The following EDDM3A variants were observed in gnomAD, a reference collection of about 807,000 sequenced individuals.
EDDM3A encodes epididymal protein 3A.
For missense variants in EDDM3A, 199 were observed against 177.4 expected (o/e 1.12, Z -0.69); for synonymous variants, 75 against 60.4 (o/e 1.24, Z -1.12).
the EDDM3A span, among the ~76,000 whole-genome samples, chr14:20,740,354 A>G: frequency 6.6e-6 from 1 of 152,328 alleles, no homozygotes; most frequent in East Asian, 1.9e-4. Context: ...AGATTCACCA[A>G]AGTATCTGGA....
At chr14:20,743,288 G>A (rs374939562), upstream of EDDM3A, among the ~76,000 whole-genome samples, 50 of 152,306 alleles carry the variant, frequency 3.3e-4, no homozygotes, top group South Asian at 0.01. Context: ...GGTGGCTCAC[G>A]CTTTTAATCC....
At position 20,747,577 on chromosome 14, in the gene EDDM3A, T is replaced by A. The variant is rs1241565273; in HGVS notation, c.-4T>A. On this transcript the variant is annotated 5_prime_UTR_variant, in exon 2 of 2. Coordinates refer to ENST00000326842, the MANE Select transcript of EDDM3A (RefSeq NM_006683.5). ...TAGACACGCAGGTGGACGTGGTGAC[T>A]GAGATGACATCCTCTCTAAAGATTT... 1 of 1,592,650 alleles carries A rather than the reference T, an allele frequency of 6.3e-7. No homozygotes were observed. Among genetic ancestry groups the A allele is most frequent in the Admixed American group, 1.8e-5 (1 of 56,986 alleles).
chr14:20,745,076 A>G (rs1278516707), upstream of EDDM3A, among the ~76,000 whole-genome samples: 2 of 152,116 alleles, frequency 1.3e-5, no homozygotes, highest in African/African-American at 4.8e-5. Flanking sequence ...AATACAAAAA[A>G]CTAGCCAGGC....
At chr14:20,740,246 A>C in the EDDM3A span, among the ~76,000 whole-genome samples, 57 of 152,296 alleles carry the variant, frequency 3.7e-4, no homozygotes, top group East Asian at 0.01. Flanking sequence ...AAGGCAAGGA[A>C]TCTATTATGG....
chr14:20,738,502 T>TAAAC, the EDDM3A span, among the ~76,000 whole-genome samples: 6 of 145,140 alleles, frequency 4.1e-5, no homozygotes, highest in Admixed American at 4.1e-4. Context: ...AATAAATAAA[T>TAAAC]AAATAAACAG....
chr14:20,741,218 G>A (rs1168568476), upstream of EDDM3A, among the ~76,000 whole-genome samples: 1 of 152,176 alleles, frequency 6.6e-6, no homozygotes, highest in Non-Finnish European at 1.5e-5. Flanking sequence ...AGCCCTTCAA[G>A]TTTTCTGGAC....
At chr14:20,746,555 AT>A (rs1434572015) in intron 1 of EDDM3A, among the ~76,000 whole-genome samples, 2 of 152,182 alleles carry the variant, frequency 1.3e-5, no homozygotes, top group Non-Finnish European at 2.9e-5. Flanking sequence ...TGCCTGATTG[AT>A]TACAGCAACA....
chr14:20,741,961 C>A (rs1026047938), upstream of EDDM3A, among the ~76,000 whole-genome samples: 2 of 152,212 alleles, frequency 1.3e-5, no homozygotes, highest in Non-Finnish European at 2.9e-5. Context: ...CCTGCAACCC[C>A]TAGATTTCCA....
chr14:20,747,172 C>T (rs538025284), intron 1 of EDDM3A, among the ~76,000 whole-genome samples: 31 of 138,334 alleles, frequency 2.2e-4, no homozygotes, highest in Admixed American at 1.2e-3. Context: ...GGTGTGATGT[C>T]GGCTCACCGC....
rs765841294 is a variant in EDDM3A, at chr14:20,747,947, A to G, written c.367A>G (p.Ile123Val). Residue 123 changes from isoleucine to valine, a missense_variant, in exon 2 of 2, where the codon ATT (isoleucine) becomes GTT (valine). By Grantham distance (29) the Ile-to-Val change is conservative. Coordinates refer to ENST00000326842, the MANE Select transcript of EDDM3A (RefSeq NM_006683.5). ...RYTESRSFSYIEFHCGVDGYV... is the reference protein window; with the variant it reads ...RYTESRSFSYVEFHCGVDGYV... Reference sequence around the variant, plus strand: ...CACAGAGAGCAGAAGCTTCAGCTACATTGAATTCCATTGTGGCGTAGATGG... The same window carrying G: ...CACAGAGAGCAGAAGCTTCAGCTACGTTGAATTCCATTGTGGCGTAGATGG... The G allele has an allele frequency of 1.2e-6, 2 of 1,614,168 alleles. No homozygotes were observed. The highest frequency in any genetic ancestry group is 2.2e-5 in the South Asian group (2 of 91,068).
At chr14:20,747,228 C>T (rs977848351) in intron 1 of EDDM3A, among the ~76,000 whole-genome samples, 1 of 151,414 alleles carries the variant, frequency 6.6e-6, no homozygotes, top group Non-Finnish European at 1.5e-5. Context: ...CTCAGCCTCT[C>T]GAGTAGCTGG....
At chr14:20,742,493 A>G (rs1877463809), upstream of EDDM3A, among the ~76,000 whole-genome samples, 1 of 152,254 alleles carries the variant, frequency 6.6e-6, no homozygotes, top group Non-Finnish European at 1.5e-5. Context: ...TCCTCGTGTA[A>G]CCACGATAGG....
upstream of EDDM3A, among the ~76,000 whole-genome samples, chr14:20,744,354 C>T (rs1382743543): frequency 6.6e-6 from 1 of 152,220 alleles, no homozygotes; most frequent in Non-Finnish European, 1.5e-5. Context: ...ACTGAACCTT[C>T]TGTCATTCCA....
chr14:20,745,383 G>T (rs972273318), upstream of EDDM3A, among the ~76,000 whole-genome samples: 4 of 151,612 alleles, frequency 2.6e-5, no homozygotes, highest in Non-Finnish European at 5.9e-5. Context: ...AAAATTAGCT[G>T]GGCGTGGTGA....
the EDDM3A span, among the ~76,000 whole-genome samples, chr14:20,740,825 C>CGAGATGTTTAAAGAAAGTGGA: frequency 6.6e-6 from 1 of 152,034 alleles, no homozygotes; most frequent in African/African-American, 2.4e-5. Context: ...CCAGGAATGA[C>CGAGATGTTTAAAGAAAGTGGA]AAGATGCAGG....
chr14:20,742,843 C>A (rs1877477136), upstream of EDDM3A, among the ~76,000 whole-genome samples: 1 of 152,070 alleles, frequency 6.6e-6, no homozygotes, highest in Non-Finnish European at 1.5e-5. Context: ...GTGATCCTCC[C>A]ACCTCAGCCT....
chr14:20,736,361 C>T, the EDDM3A span, among the ~76,000 whole-genome samples: 350 of 152,316 alleles, frequency 2.3e-3, no homozygotes, highest in African/African-American at 8.1e-3. Flanking sequence ...TTTCCCACCT[C>T]GGCCTCCCAA....
chr14:20,741,975 G>C (rs1877447773), upstream of EDDM3A, among the ~76,000 whole-genome samples: 1 of 152,218 alleles, frequency 6.6e-6, no homozygotes, highest in African/African-American at 2.4e-5. Flanking sequence ...ATTTCCAACT[G>C]TGACAGACTT....
At chr14:20,745,237 A>AG (rs56254837), upstream of EDDM3A, among the ~76,000 whole-genome samples, 7 of 148,618 alleles carry the variant, frequency 4.7e-5, no homozygotes, top group African/African-American at 1.7e-4. Context: ...AAAAAAAAAA[A>AG]GGCAAAAGAC....
Sources: gnomAD v4.1 joint callset for allele counts (sites outside exome capture counted in the v4.1 genomes callset) on GRCh38, gnomAD v4.1.1 for gene constraint, MANE v1.5 for transcripts, NCBI Gene and HGNC (gene_info 2026-07-23, HGNC 2026-07-21) for gene names.